The following ITGA11 variants were observed in gnomAD, a reference collection of about 807,000 sequenced individuals.
ITGA11 encodes integrin alpha-11.
In ITGA11, 97 loss-of-function variants were observed where a neutral mutation model predicts 141.9. The ratio of observed to expected loss-of-function variants is 0.68; its 90% CI spans 0.58 to 0.81. The LOEUF (loss-of-function observed/expected upper bound fraction) is 0.81, where lower values mean the gene tolerates loss of function less well. Ranked by LOEUF, ITGA11 falls within the 30% of genes least tolerant of loss-of-function variation. The pLI is 0.00. For synonymous variants in ITGA11, 658 were observed against 624.6 expected (o/e 1.05, Z -0.80); for missense variants, 1,387 against 1,559.2 (o/e 0.89, Z 1.86).
At position 68,369,273 on chromosome 15, in the gene ITGA11, C is replaced by G; in HGVS notation, c.176G>C (p.Gly59Ala). ...GTAGCCATTGGTTTCCAGTGGGGCG[C>G]CCACGACCAGCCTGGGAAGGAAGAG... is the stretch of plus-strand genomic sequence containing the variant. ...DISGNKWLVV[G>A]APLETNGYQK... The change falls in exon 3 of 30, where the codon GGC (glycine) becomes GCC (alanine). Residue 59 changes from glycine to alanine, a missense_variant. Gly to Ala is a moderately conservative substitution (Grantham distance 60, BLOSUM62 0). Coordinates refer to ENST00000315757, the MANE Select transcript of ITGA11 (RefSeq NM_001004439.2). The G allele has an allele frequency of 1.2e-6, 2 of 1,613,706 alleles. No individual in the cohort carries two copies. The highest frequency in any genetic ancestry group is 1.7e-6 in the Non-Finnish European group (2 of 1,179,726).
At chr15:68,383,038 G>A (rs1490586802) in intron 2 of ITGA11, among the ~76,000 whole-genome samples, 2 of 152,174 alleles carry the variant, frequency 1.3e-5, no homozygotes, top group South Asian at 2.1e-4. Context: ...TTTGGAGGCC[G>A]AGGCAGGCGG....
chr15:68,389,928 T>C (rs1896075789), intron 2 of ITGA11, among the ~76,000 whole-genome samples: 1 of 152,238 alleles, frequency 6.6e-6, no homozygotes. Context: ...CTGCAAGCCC[T>C]GCATTGGAGC....
intron 10 of ITGA11, 115 bp from the exon 11 acceptor site, chr15:68,339,759 C>T: frequency 8.4e-7 from 1 of 1,191,718 alleles, no homozygotes; most frequent in Non-Finnish European, 1.2e-6. Context: ...GCACCTTCTC[C>T]TGGGTGCATT....
chr15:68,400,012 C>G (rs1008432881), intron 2 of ITGA11, among the ~76,000 whole-genome samples: 2 of 152,070 alleles, frequency 1.3e-5, no homozygotes, highest in African/African-American at 2.4e-5. Context: ...TACCTGACTT[C>G]GAGACTTATT....
chr15:68,359,461 C>G (rs1275910618), intron 5 of ITGA11, among the ~76,000 whole-genome samples: 3 of 152,194 alleles, frequency 2.0e-5, no homozygotes, highest in Non-Finnish European at 4.4e-5. Context: ...GCCTTGCCAA[C>G]ATGGCGAAAC....
Position 68,308,872 on chromosome 15 carries a change from C to T in ITGA11, c.3175-1176G>A, listed in dbSNP as rs1388625162. Among the ~76,000 whole-genome samples the T allele has an allele frequency of 1.3e-5, 2 of 152,214 alleles. No individual in the cohort carries two copies. The highest frequency in any genetic ancestry group is 2.4e-5 in the African/African-American group (1 of 41,456). ...AAAAAAAAAATCTTGTTCAGGCCCT[C>T]ACTGAAGAAGCCTGACAATTAACAG... is the stretch of plus-strand genomic sequence containing the variant. On this transcript the variant is annotated intron_variant, in intron 26 of 29. Transcript: ENST00000315757. This position sits in a 1 kb window ranked among gnomAD's most constrained non-coding sequence, Gnocchi z 5.2.
Position 68,328,233 on chromosome 15 carries a change from C to T in ITGA11, c.1931G>A (p.Ser644Asn). 6.2e-7 allele frequency: 1 copy of T among 1,613,868 alleles called. No individual in the cohort carries two copies. Among genetic ancestry groups the T allele is most frequent in the Non-Finnish European group, 8.5e-7 (1 of 1,179,852 alleles). The change falls in exon 16 of 30, where the codon AGC becomes AAC. Residue 644 changes from serine to asparagine, a missense_variant. Ser to Asn is a conservative substitution (Grantham distance 46). Transcript: ENST00000315757. This position sits in a 1 kb window ranked among gnomAD's most constrained non-coding sequence, Gnocchi z 4.8. ...WSRPVVQINA[S>N]LHFEPSKINI... ...GATCTTGGATGGCTCAAAGTGGAGG[C>T]TGGCATTGATCTGAACCACTGGGCG...
At chr15:68,426,739 T>C (rs1199380784) in intron 1 of ITGA11, among the ~76,000 whole-genome samples, 5 of 151,994 alleles carry the variant, frequency 3.3e-5, no homozygotes, top group Non-Finnish European at 7.4e-5. Flanking sequence ...GGTGCATGGA[T>C]TAAAAGCAGT....
chr15:68,416,908 C>T (rs949743562), intron 1 of ITGA11, among the ~76,000 whole-genome samples: 1 of 152,058 alleles, frequency 6.6e-6, no homozygotes, highest in Non-Finnish European at 1.5e-5. Flanking sequence ...ATATGGAGAC[C>T]CCATCTCCGT....
chr15:68,392,938 C>T (rs1223213392), intron 2 of ITGA11, among the ~76,000 whole-genome samples: 2 of 152,066 alleles, frequency 1.3e-5, no homozygotes, highest in Non-Finnish European at 2.9e-5. Context: ...TGGAGTTAAC[C>T]AGCCAGGACT....
Position 68,364,744 on chromosome 15 carries a change from A to T in ITGA11, c.320T>A (p.Leu107His). 6.2e-7 allele frequency: 1 copy of T among 1,613,852 alleles called. No individual in the cohort carries two copies. Among genetic ancestry groups the T allele is most frequent in the Non-Finnish European group, 8.5e-7 (1 of 1,179,862 alleles). Residue 107 changes from leucine to histidine, a missense_variant, in exon 4 of 30, where the codon CTT (leucine) becomes CAT (histidine). By Grantham distance (99) the Leu-to-His change is moderately conservative. Coordinates refer to ENST00000315757, the MANE Select transcript of ITGA11 (RefSeq NM_001004439.2). ...SERKDNMRLG[L>H]SLATNPKDNS... ...GTCCTTGGGGTTGGTGGCGAGACTA[A>T]GGCCGAGGCGCATGTTGTCTTTCCG...
At chr15:68,376,861 C>A (rs1895742113) in intron 2 of ITGA11, among the ~76,000 whole-genome samples, 1 of 152,218 alleles carries the variant, frequency 6.6e-6, no homozygotes, top group Non-Finnish European at 1.5e-5. Flanking sequence ...GGTTCCTGAA[C>A]CCCACCTCCA....
Position 68,353,359 on chromosome 15 carries a change from C to T in ITGA11, c.750-1957G>A, listed in dbSNP as rs187057620. ...ACCTGCAGAGGCACGTGCCACATGA[C>T]GAGAGCAGGTTTCGAGCTCAAGCGC... On this transcript the variant is annotated intron_variant, in intron 7 of 29. Coordinates refer to ENST00000315757, the MANE Select transcript of ITGA11 (RefSeq NM_001004439.2). Among the ~76,000 whole-genome samples the T allele has an allele frequency of 2.5e-3, 384 of 152,198 alleles. 1 individual carries two copies. The highest frequency in any genetic ancestry group is 0.01 in the South Asian group (50 of 4,814).
intron 14 of ITGA11, among the ~76,000 whole-genome samples, chr15:68,331,569 C>CT (rs113409381): frequency 0.025 from 3,789 of 151,514 alleles, 76 homozygotes; most frequent in Middle Eastern, 0.075. Flanking sequence ...GTGTGCGCGT[C>CT]TCGGGGGGAG....
At chr15:68,320,457 C>T in intron 19 of ITGA11, 65 bp from the exon 20 acceptor site, 1 of 1,441,936 alleles carries the variant, frequency 6.9e-7, no homozygotes, top group Non-Finnish European at 9.5e-7. Context: ...AGAGAGGAGC[C>T]CCAGGGTTGG....
chr15:68,331,052 C>T lies in ITGA11; in HGVS notation c.1830G>A (p.Gly610=), dbSNP rs1894139720. 1.2e-6 allele frequency: 2 copies of T among 1,611,948 alleles called. No homozygotes were observed. Among genetic ancestry groups the T allele is most frequent in the Non-Finnish European group, 1.7e-6 (2 of 1,179,108 alleles). ...GCCCATCCTCATTGAGGTCCAATTGCCCGTGGATGCTGCAGCCAAAATACT... is the reference window on the plus strand; with the variant it reads ...GCCCATCCTCATTGAGGTCCAATTGTCCGTGGATGCTGCAGCCAAAATACT... ...GLQYFGCSIH[G]QLDLNEDGLI... is the part of the protein sequence containing the mutation. Residue 610 remains glycine (G), a synonymous_variant, in exon 15 of 30, where the codon GGG becomes GGA. Transcript: ENST00000315757.
At chr15:68,419,169 T>A (rs1896959549) in intron 1 of ITGA11, among the ~76,000 whole-genome samples, 1 of 152,130 alleles carries the variant, frequency 6.6e-6, no homozygotes, top group South Asian at 2.1e-4. Context: ...TTGGTGGGGA[T>A]GGCGGACTTT....
intron 1 of ITGA11, among the ~76,000 whole-genome samples, chr15:68,421,186 TCC>T: frequency 4.4e-4 from 4 of 9,022 alleles, no homozygotes; most frequent in East Asian, 2.6e-3. Context: ...TGGAGGAGCT[TCC>T]TCAGGTGGGA....
intron 28 of ITGA11, among the ~76,000 whole-genome samples, chr15:68,306,246 GTTGA>G (rs1485834606): frequency 6.6e-6 from 1 of 150,726 alleles, no homozygotes; most frequent in African/African-American, 2.4e-5. Context: ...TTTTTGGGGG[GTTGA>G]GTGGGGGTGG....
Sources: allele counts gnomAD v4.1 joint callset (sites outside exome capture counted in the v4.1 genomes callset), GRCh38; gene constraint gnomAD v4.1.1; non-coding constraint Gnocchi (gnomAD v3.1); transcripts MANE v1.5; gene names NCBI Gene and HGNC (gene_info 2026-07-23, HGNC 2026-07-21).